Variants in KDM4C observed in about 807,000 individuals in gnomAD.
KDM4C encodes lysine demethylase 4C.
A neutral mutation model predicts 129.3 loss-of-function variants in KDM4C; 81 were observed. That is an observed-to-expected ratio of 0.63 (90% CI 0.52 to 0.75). KDM4C has a LOEUF of 0.75. Ranked by LOEUF, KDM4C falls within the 30% of genes least tolerant of loss-of-function variation. The pLI is 0.00. For missense variants in KDM4C, 1,457 were observed against 1,304.0 expected (o/e 1.12, Z -1.81); for synonymous variants, 573 against 456.1 (o/e 1.26, Z -3.26).
At chr9:7,153,095 A>C (rs1016678749) in intron 19 of KDM4C, among the ~76,000 whole-genome samples, 5 of 152,160 alleles carry the variant, frequency 3.3e-5, no homozygotes, top group African/African-American at 4.8e-5. Flanking sequence ...ACTCATAAAA[A>C]TACTTTTTCT....
intron 5 of KDM4C, among the ~76,000 whole-genome samples, chr9:6,861,902 G>A: frequency 6.6e-6 from 1 of 151,830 alleles, no homozygotes; most frequent in East Asian, 1.9e-4. Flanking sequence ...CTTCCGAGTA[G>A]CTGGGACTAC....
intron 4 of KDM4C, among the ~76,000 whole-genome samples, chr9:6,833,135 AATTG>A (rs148774917): frequency 0.016 from 2,417 of 152,102 alleles, 83 homozygotes; most frequent in African/African-American, 0.055. Flanking sequence ...ATGTTGAGAT[AATTG>A]ATCTCCTTTA....
chr9:6,965,485 G>GTA (rs1362285007), intron 8 of KDM4C, among the ~76,000 whole-genome samples: 2 of 152,160 alleles, frequency 1.3e-5, no homozygotes, highest in African/African-American at 4.8e-5. Context: ...ATGTGTGTGT[G>GTA]TATATATGTG....
At chr9:7,025,073 T>C (rs1018613134) in intron 15 of KDM4C, among the ~76,000 whole-genome samples, 9 of 152,240 alleles carry the variant, frequency 5.9e-5, no homozygotes, top group South Asian at 2.1e-4. Flanking sequence ...ATGATTGTTA[T>C]ATTCTCTTGC....
intron 3 of KDM4C, among the ~76,000 whole-genome samples, chr9:6,807,930 G>C (rs1428864710): frequency 7.8e-6 from 1 of 128,836 alleles, no homozygotes; most frequent in South Asian, 2.4e-4. Context: ...CACCCCCTCC[G>C]GGAGGGAGGT....
intron 8 of KDM4C, among the ~76,000 whole-genome samples, chr9:6,960,855 G>C (rs59644887): frequency 0.14 from 13,450 of 93,194 alleles, 1,538 homozygotes; most frequent in African/African-American, 0.35. Context: ...TATCCCCTAG[G>C]AAGCAAAAAT....
At chr9:6,939,590 A>G (rs1825464781) in intron 8 of KDM4C, among the ~76,000 whole-genome samples, 1 of 152,160 alleles carries the variant, frequency 6.6e-6, no homozygotes, top group African/African-American at 2.4e-5. Flanking sequence ...TTGGATGTAG[A>G]GTTGGGTGTT....
chr9:6,910,218 A>G (rs890796825), intron 8 of KDM4C, among the ~76,000 whole-genome samples: 2 of 152,134 alleles, frequency 1.3e-5, no homozygotes, highest in African/African-American at 4.8e-5. Context: ...TTTTTGGGCA[A>G]GTTTGAGAAG....
chr9:7,115,820 T>C (rs1838835715), intron 18 of KDM4C, among the ~76,000 whole-genome samples: 1 of 152,258 alleles, frequency 6.6e-6, no homozygotes, highest in African/African-American at 2.4e-5. Context: ...GAATGCCTTA[T>C]CTTCTTTGTC....
At chr9:7,165,013 T>C (rs1367367457) in intron 19 of KDM4C, among the ~76,000 whole-genome samples, 1 of 152,208 alleles carries the variant, frequency 6.6e-6, no homozygotes, top group East Asian at 1.9e-4. Context: ...GCTGTTTTTT[T>C]CTGCTTGGAT....
rs755563881 is a variant in KDM4C, at chr9:6,986,467, G to T, written c.1478G>T (p.Gly493Val). 6.2e-7 allele frequency: 1 copy of T among 1,614,106 alleles called. No homozygotes were observed. The highest frequency in any genetic ancestry group is 1.1e-5 in the South Asian group (1 of 91,068). Residue 493 changes from glycine (G) to valine (V), a missense_variant, in exon 11 of 22, where the codon GGC becomes GTC. Gly to Val is a moderately radical substitution (Grantham distance 109). Transcript: ENST00000381309. Reference protein sequence around the residue: ...EADDSIPLSSGYEKPEKSDPS... With the variant: ...EADDSIPLSSVYEKPEKSDPS... Reference sequence around the variant, plus strand: ...GATGATTCCATTCCATTGTCTAGTGGCTATGAGAAGCCCGAGAAATCAGAC... The same window carrying T: ...GATGATTCCATTCCATTGTCTAGTGTCTATGAGAAGCCCGAGAAATCAGAC...
chr9:6,933,692 T>C (rs1824178479), intron 8 of KDM4C, among the ~76,000 whole-genome samples: 1 of 152,186 alleles, frequency 6.6e-6, no homozygotes, highest in Admixed American at 6.5e-5. Flanking sequence ...TGTAAGACAG[T>C]GTGTAAATCA....
At chr9:7,170,474 C>G in intron 21 of KDM4C, 1 of 981,976 alleles carries the variant, frequency 1.0e-6, no homozygotes, top group Non-Finnish European at 1.2e-6. Context: ...TAGTTTCATG[C>G]CCTCACATAC....
At chr9:6,920,144 C>T (rs573214987) in intron 8 of KDM4C, among the ~76,000 whole-genome samples, 99 of 152,048 alleles carry the variant, frequency 6.5e-4, no homozygotes, top group African/African-American at 2.4e-3. Context: ...ATTTGGTGGG[C>T]AGGGGGCTAG....
intron 8 of KDM4C, among the ~76,000 whole-genome samples, chr9:6,898,171 G>C (rs1015566598): frequency 1.8e-4 from 28 of 152,210 alleles, no homozygotes; most frequent in South Asian, 4.1e-4. Flanking sequence ...GCTGTTAAAT[G>C]AAACTTTGGC....
chr9:7,039,837 G>A (rs1406664616), intron 15 of KDM4C, among the ~76,000 whole-genome samples: 1 of 151,944 alleles, frequency 6.6e-6, no homozygotes, highest in Non-Finnish European at 1.5e-5. Flanking sequence ...CTGACTCAGG[G>A]GTGGCAGAGT....
chr9:6,768,497 A>G (rs767878066), intron 1 of KDM4C, among the ~76,000 whole-genome samples: 1 of 152,110 alleles, frequency 6.6e-6, no homozygotes, highest in Non-Finnish European at 1.5e-5. Context: ...ATTTTTCTCC[A>G]TAACTGCAGT....
rs1340724572 is a variant in KDM4C, at chr9:6,888,864, T to C, written c.783+801T>C. On this transcript the variant is annotated intron_variant, in intron 7 of 21. Coordinates refer to ENST00000381309, the MANE Select transcript of KDM4C (RefSeq NM_015061.6). ...GTGCAGTGGCGGGATCTCGGCTCAC[T>C]GCAAGCTCCGCCTCCCGGGTTCACG... is the stretch of plus-strand genomic sequence containing the variant. 4.7e-5 allele frequency among the ~76,000 whole-genome samples: 4 copies of C among 85,550 alleles called. 1 individual carries two copies. The highest frequency in any genetic ancestry group is 9.1e-5 in the Non-Finnish European group (4 of 43,964). The allele number at this position is 85,550 out of a possible 152,430, so 56.1% of individuals were successfully genotyped here. A position where few individuals can be genotyped will look rare whatever the true frequency, so the allele number is the denominator to read the frequency against.
chr9:7,162,348 A>T (rs1163157687), intron 19 of KDM4C, among the ~76,000 whole-genome samples: 1 of 152,228 alleles, frequency 6.6e-6, no homozygotes, highest in East Asian at 1.9e-4. Context: ...ATTAGGATAC[A>T]GAGCAACGTT....
Sources: gnomAD v4.1 joint callset for allele counts (sites outside exome capture counted in the v4.1 genomes callset) on GRCh38, gnomAD v4.1.1 for gene constraint, MANE v1.5 for transcripts, NCBI Gene and HGNC (gene_info 2026-07-23, HGNC 2026-07-21) for gene names.